Variants in FMNL2 observed in about 807,000 individuals in gnomAD.
The protein encoded by FMNL2 is formin-like protein 2.
Under a neutral mutation model 130.2 loss-of-function variants are expected in FMNL2, and 51 were observed. That is an observed-to-expected ratio of 0.39 (90% CI 0.31 to 0.49). FMNL2 has a LOEUF of 0.49. Among genes scored for constraint, FMNL2 ranks in the 20% least tolerant of loss-of-function variants. The pLI, the probability that FMNL2 is intolerant of heterozygous loss-of-function variation, is 0.85. For synonymous variants in FMNL2, 465 were observed against 467.1 expected (o/e 1.00, Z 0.06); for missense variants, 977 against 1,316.2 (o/e 0.74, Z 3.99).
chr2:152,552,328 T>A (rs1694979741), intron 4 of FMNL2, among the ~76,000 whole-genome samples: 1 of 152,198 alleles, frequency 6.6e-6, no homozygotes, highest in African/African-American at 2.4e-5. Flanking sequence ...CTCTAAGGAA[T>A]TCCCTAAGGC....
At chr2:152,624,685 A>C (rs1681651126) in intron 15 of FMNL2, among the ~76,000 whole-genome samples, 1 of 152,082 alleles carries the variant, frequency 6.6e-6, no homozygotes, top group South Asian at 2.1e-4. Flanking sequence ...AATAAATATA[A>C]AAATTAGCCA....
At chr2:152,609,306 G>C (rs1010718808) in intron 10 of FMNL2, among the ~76,000 whole-genome samples, 1 of 152,180 alleles carries the variant, frequency 6.6e-6, no homozygotes, top group Non-Finnish European at 1.5e-5. Context: ...AAACTCAGTA[G>C]ATCATTTAGA....
At chr2:152,405,993 A>G (rs1310801264) in intron 1 of FMNL2, among the ~76,000 whole-genome samples, 1 of 152,228 alleles carries the variant, frequency 6.6e-6, no homozygotes, top group Non-Finnish European at 1.5e-5. Flanking sequence ...TCTGATTTTC[A>G]GGACATTCTG....
intron 1 of FMNL2, among the ~76,000 whole-genome samples, chr2:152,465,355 A>G (rs1689471722): frequency 6.6e-6 from 1 of 152,224 alleles, no homozygotes; most frequent in South Asian, 2.1e-4. Context: ...AAGGAGCCCG[A>G]GAGCAGGAAG....
rs35114358 is a variant in FMNL2 at position 152,569,680 on chromosome 2, C to CA, written c.597-5439dup. Among the ~76,000 whole-genome samples, 120 of 104,494 alleles carry CA rather than the reference C, an allele frequency of 1.1e-3. No homozygotes were observed. In the East Asian group the frequency reaches 0.014, roughly 13 times the overall value. 68.6% of individuals were successfully genotyped at this position (104,494 alleles called of 152,430 possible). The stretch of plus-strand genomic sequence containing the variant: ...TAGGTGACAAGGTGAGACCCTGTCT[C>CA]AAAAAAAAAAAAAAAAAGGAAGTTA... On this transcript the variant is annotated intron_variant, in intron 6 of 25. Coordinates refer to ENST00000288670, the MANE Select transcript of FMNL2 (RefSeq NM_052905.4).
chr2:152,504,047 C>T (rs576694181), intron 1 of FMNL2, among the ~76,000 whole-genome samples: 10 of 152,108 alleles, frequency 6.6e-5, no homozygotes, highest in African/African-American at 1.2e-4. Flanking sequence ...AAAAATTAGC[C>T]GGGCGTGGTG....
chr2:152,392,592 G>T (rs1258159560), intron 1 of FMNL2, among the ~76,000 whole-genome samples: 1 of 152,166 alleles, frequency 6.6e-6, no homozygotes, highest in Non-Finnish European at 1.5e-5. Context: ...AGGCATAAGT[G>T]CAAGTCATCC....
chr2:152,625,578 G>A lies in FMNL2; in HGVS notation c.1962+16G>A. On this transcript the variant is annotated intron_variant, in intron 16 of 25. Transcript: ENST00000288670. ...AATTCTGGAGGTATTTTTCTCATTG[G>A]TTAGAAACTAGAGGTGCACTCTGTG... 3 of 1,598,396 alleles carry A rather than the reference G, an allele frequency of 1.9e-6. No homozygotes were observed. Among genetic ancestry groups the A allele is most frequent in the Non-Finnish European group, 1.7e-6 (2 of 1,167,258 alleles).
intron 1 of FMNL2, among the ~76,000 whole-genome samples, chr2:152,465,210 G>T (rs78036090): frequency 0.059 from 8,953 of 152,336 alleles, 537 homozygotes; most frequent in Admixed American, 0.2. Flanking sequence ...GTGGGACAGG[G>T]CATTCGTGCA....
chr2:152,542,518 A>G (rs1485161783), intron 2 of FMNL2, among the ~76,000 whole-genome samples: 1 of 152,204 alleles, frequency 6.6e-6, no homozygotes, highest in African/African-American at 2.4e-5. Flanking sequence ...AGTGTCATCA[A>G]AGAGAGTTCT....
intron 6 of FMNL2, among the ~76,000 whole-genome samples, chr2:152,564,160 G>GT (rs35929790): frequency 3.0e-4 from 45 of 148,470 alleles, no homozygotes; most frequent in East Asian, 7.9e-4. Flanking sequence ...AGCACAGGTT[G>GT]TTTTTTTTTT....
intron 1 of FMNL2, among the ~76,000 whole-genome samples, chr2:152,350,050 C>T (rs1682386310): frequency 6.6e-6 from 1 of 152,002 alleles, no homozygotes; most frequent in Admixed American, 6.6e-5. Flanking sequence ...AGGGGATGCA[C>T]AGGTACAGAA....
At chr2:152,643,108 A>G (rs1187766493) in intron 25 of FMNL2, among the ~76,000 whole-genome samples, 1 of 152,190 alleles carries the variant, frequency 6.6e-6, no homozygotes, top group Non-Finnish European at 1.5e-5. Flanking sequence ...TATAAAATGA[A>G]TGTACATTTT....
At chr2:152,446,920 A>G (rs1191425567) in intron 1 of FMNL2, among the ~76,000 whole-genome samples, 1 of 152,202 alleles carries the variant, frequency 6.6e-6, no homozygotes, top group Admixed American at 6.5e-5. Context: ...TAAATTTAAT[A>G]AAGAGGCAGG....
intron 9 of FMNL2, among the ~76,000 whole-genome samples, chr2:152,607,015 T>TTG (rs1553485797): frequency 1.2e-4 from 16 of 135,720 alleles, no homozygotes; most frequent in Admixed American, 3.1e-4. Flanking sequence ...TGTTTTTTTT[T>TTG]TTTTTTTTTA....
chr2:152,486,615 T>TAAGTTAAAATAA (rs1690842977), intron 1 of FMNL2, among the ~76,000 whole-genome samples: 1 of 152,250 alleles, frequency 6.6e-6, no homozygotes, highest in East Asian at 1.9e-4. Context: ...AATAAGTTAA[T>TAAGTTAAAATAA]GTTTCATTGA....
intron 1 of FMNL2, among the ~76,000 whole-genome samples, chr2:152,503,362 G>T: frequency 6.6e-6 from 1 of 152,134 alleles, no homozygotes; most frequent in East Asian, 1.9e-4. Context: ...CCTATTATAG[G>T]ATTCTTGTTG....
chr2:152,605,995 ACGAT>A, intron 9 of FMNL2, among the ~76,000 whole-genome samples: 1 of 152,348 alleles, frequency 6.6e-6, no homozygotes, highest in Admixed American at 6.5e-5. Flanking sequence ...TTTAACAAAT[ACGAT>A]TGGGAACTTA....
chr2:152,617,266 A>C, intron 13 of FMNL2, 74 bp downstream of exon 13: 1 of 1,324,464 alleles, frequency 7.6e-7, no homozygotes, highest in Non-Finnish European at 1.1e-6. Context: ...AGTGGAACGC[A>C]GAGTACCTTC....
Sources: allele counts gnomAD v4.1 joint callset (sites outside exome capture counted in the v4.1 genomes callset), GRCh38; gene constraint gnomAD v4.1.1; transcripts MANE v1.5; gene names NCBI Gene and HGNC (gene_info 2026-07-23, HGNC 2026-07-21).